Variants in GALNS observed in about 807,000 individuals in gnomAD.
GALNS encodes galactosamine (N-acetyl)-6-sulfatase, also known as N-acetylgalactosamine-6-sulfatase.
Under a neutral mutation model 65.9 loss-of-function variants are expected in GALNS, and 65 were observed. The observed-to-expected ratio is 0.99, with a 90% confidence interval of 0.81 to 1.21. GALNS has a LOEUF of 1.21. GALNS is among the 50% of genes most tolerant of loss of function. GALNS has a pLI of 0.00. For missense variants in GALNS, 776 were observed against 700.7 expected, an observed-to-expected ratio of 1.11 and a Z score of -1.21; for synonymous variants, 346 against 288.9, an observed-to-expected ratio of 1.20 and a Z score of -2.00.
chr16:88,837,803 G>C, intron 4 of GALNS, 38 bp from the exon 5 acceptor site: 1 of 1,610,996 alleles, frequency 6.2e-7, no homozygotes, highest in Admixed American at 1.7e-5. Context: ...GGGACCCCAC[G>C]TGGGGACACT....
At chr16:88,818,147 A>C in intron 12 of GALNS, 23 bp from the exon 13 acceptor site, 1 of 1,554,212 alleles carries the variant, frequency 6.4e-7, no homozygotes, top group African/African-American at 1.3e-5. Flanking sequence ...AGCTCTGGTC[A>C]CACGGCTGGG....
chr16:88,852,834 A>C (rs906145116), intron 1 of GALNS, among the ~76,000 whole-genome samples: 2 of 152,232 alleles, frequency 1.3e-5, no homozygotes, highest in African/African-American at 4.8e-5. Context: ...GGGCGGCTAT[A>C]ATCCCAGCTA....
chr16:88,826,032 G>T (rs190713726), intron 10 of GALNS, among the ~76,000 whole-genome samples: 135 of 152,260 alleles, frequency 8.9e-4, no homozygotes, highest in Non-Finnish European at 1.5e-3. Context: ...TGGACAGAAG[G>T]TAAGAGCTGG....
rs534562188 is a variant in GALNS, at chr16:88,852,568, C to T, written c.120+4190G>A. ...CTGACAGAAGTAGGCTTCAGAAAGT[C>T]GGTAATAACCAACTTCTCCGAACTA... On this transcript the variant is annotated intron_variant, in intron 1 of 13. Coordinates refer to ENST00000268695, the MANE Select transcript of GALNS (RefSeq NM_000512.5). 1.4e-4 allele frequency among the ~76,000 whole-genome samples: 22 copies of T among 152,268 alleles called. No homozygotes were observed. In the South Asian group the frequency reaches 4.1e-3, roughly 29 times the overall value.
At chr16:88,840,640 C>G in intron 4 of GALNS, 1 of 385,208 alleles carries the variant, frequency 2.6e-6, no homozygotes. Context: ...GCCACAGCTC[C>G]TGTGTGTAAT....
chr16:88,851,672 C>T (rs1967515213), intron 1 of GALNS, among the ~76,000 whole-genome samples: 1 of 152,238 alleles, frequency 6.6e-6, no homozygotes, highest in Non-Finnish European at 1.5e-5. Flanking sequence ...TGCGCTTTTC[C>T]AACGGTCTTA....
intron 10 of GALNS, among the ~76,000 whole-genome samples, chr16:88,826,307 CGT>C (rs1397659177): frequency 1.7e-5 from 2 of 120,622 alleles, no homozygotes; most frequent in African/African-American, 3.1e-5. Context: ...ACAGGGGCGG[CGT>C]GTGTCTGGGT....
intron 9 of GALNS, among the ~76,000 whole-genome samples, chr16:88,830,811 C>T (rs1029087607): frequency 2.6e-5 from 4 of 152,000 alleles, no homozygotes; most frequent in South Asian, 4.2e-4. Flanking sequence ...CAGACACCAA[C>T]GGTCTCGTGT....
chr16:88,815,289 A>G, intron 13 of GALNS: 1 of 985,468 alleles, frequency 1.0e-6, no homozygotes. Context: ...GAGGGCCAGC[A>G]GTGTTAGAAA....
chr16:88,826,127 C>T (rs972117977), intron 10 of GALNS, among the ~76,000 whole-genome samples: 10 of 141,264 alleles, frequency 7.1e-5, no homozygotes, highest in Non-Finnish European at 1.5e-5. Context: ...CCAGGCTGGG[C>T]AGGGAACAGG....
chr16:88,823,334 G>A (rs1041331454), intron 11 of GALNS, among the ~76,000 whole-genome samples: 39 of 152,340 alleles, frequency 2.6e-4, no homozygotes, highest in African/African-American at 1.9e-4. Context: ...ACTCAAGAAG[G>A]GCAAGGATTT....
intron 1 of GALNS, among the ~76,000 whole-genome samples, chr16:88,854,395 G>C (rs181265950): frequency 3.3e-5 from 5 of 152,356 alleles, no homozygotes; most frequent in Admixed American, 1.3e-4. Context: ...GGGCTCCACT[G>C]TGAGCTTCTG....
chr16:88,820,997 G>A (rs1177305504), intron 12 of GALNS, among the ~76,000 whole-genome samples: 2 of 152,144 alleles, frequency 1.3e-5, no homozygotes, highest in East Asian at 1.9e-4. Flanking sequence ...CTCCCAGACA[G>A]CCCCTCCAGC....
chr16:88,824,769 G>A lies in GALNS; in HGVS notation c.1240C>T (p.Gln414Ter), dbSNP rs757870208. 3 of 1,612,922 alleles carry A rather than the reference G, an allele frequency of 1.9e-6. No homozygotes were observed. Among genetic ancestry groups the A allele is most frequent in the South Asian group, 2.2e-5 (2 of 91,084 alleles). The change falls in exon 11 of 14, where the codon CAG becomes TAG. Residue 414 changes from glutamine to a stop codon, truncating the protein, a stop_gained and splice_region_variant. Transcript: ENST00000268695. LOFTEE classifies it high-confidence loss of function. ...CGCCCACGTCCCGAGCCCTGTACCT[G>A]TCTGAAGTTCTCCCAGGAGTTGGTC... ...TWTNSWENFR[Q>*]GIDFCPGQNV... is the part of the protein sequence containing the mutation.
chr16:88,814,236 G>A lies in GALNS; in HGVS notation c.*203C>T, dbSNP rs1909398905. ...CGAGGAGGAGGGTCCTGAAATCTGA[G>A]GCGCCGTGGGCGAGGAGGAGGGCCA... On this transcript the variant is annotated 3_prime_UTR_variant, in exon 14 of 14. Coordinates refer to ENST00000268695, the MANE Select transcript of GALNS (RefSeq NM_000512.5). 7.3e-6 allele frequency: 5 copies of A among 684,850 alleles called. No individual in the cohort carries two copies. Among genetic ancestry groups the A allele is most frequent in the African/African-American group, 1.8e-5 (1 of 56,132 alleles). 42.4% of individuals were successfully genotyped at this position (684,850 alleles called of 1,614,324 possible).
chr16:88,837,544 C>G, intron 5 of GALNS, 78 bp downstream of exon 5: 6 of 1,477,582 alleles, frequency 4.1e-6, no homozygotes, highest in Non-Finnish European at 5.6e-6. Context: ...TTGAGCCCAC[C>G]AGTGCTAGAG....
At position 88,837,906 on chromosome 16, in the gene GALNS, G is replaced by A. The variant is rs115893993; in HGVS notation, c.423-141C>T. ...CTGAGTATGGGCTATGCCTGGGCAC[G>A]GCAGGGACAAAAGACCAAGGCCTCA... On this transcript the variant is annotated intron_variant, in intron 4 of 13. Coordinates refer to ENST00000268695, the MANE Select transcript of GALNS (RefSeq NM_000512.5). 3,259 of 836,298 alleles carry A rather than the reference G, an allele frequency of 3.9e-3. 53 individuals are homozygous for A. The highest frequency in any genetic ancestry group is 0.022 in the African/African-American group (1,322 of 59,530). The allele number at this position is 836,298 out of a possible 1,614,324, so 51.8% of individuals were successfully genotyped here. A position where few individuals can be genotyped will look rare whatever the true frequency, so the allele number is the denominator to read the frequency against.
At chr16:88,819,894 A>G (rs182852884) in intron 12 of GALNS, among the ~76,000 whole-genome samples, 14 of 152,144 alleles carry the variant, frequency 9.2e-5, no homozygotes, top group African/African-American at 2.9e-4. Context: ...GGGTTTCACC[A>G]TGTTGGTCAG....
intron 13 of GALNS, among the ~76,000 whole-genome samples, chr16:88,814,809 C>T (rs749432769): frequency 9.9e-5 from 15 of 152,222 alleles, no homozygotes; most frequent in Non-Finnish European, 2.1e-4. Context: ...CCATCTTGAC[C>T]AGGCTGGTCT....
Sources: allele counts gnomAD v4.1 joint callset (sites outside exome capture counted in the v4.1 genomes callset), GRCh38; gene constraint gnomAD v4.1.1; transcripts MANE v1.5; gene names NCBI Gene and HGNC (gene_info 2026-07-23, HGNC 2026-07-21).